Variants in CYFIP2 observed in about 807,000 individuals in gnomAD.
The protein encoded by CYFIP2 is cytoplasmic FMR1 interacting protein 2, also known as cytoplasmic FMR1-interacting protein 2.
A neutral mutation model predicts 158.7 loss-of-function variants in CYFIP2; 29 were observed. That is an observed-to-expected ratio of 0.18 (90% CI 0.14 to 0.25). The LOEUF is 0.25. CYFIP2 is among the 10% of genes least tolerant of loss of function. The pLI is 1.00. For synonymous variants in CYFIP2, 585 were observed against 617.6 expected, an observed-to-expected ratio of 0.95 and a Z score of 0.78; for missense variants, 852 against 1,639.5, an observed-to-expected ratio of 0.52 and a Z score of 8.29.
chr5:157,388,548 T>TAC (rs749876818), intron 28 of CYFIP2, among the ~76,000 whole-genome samples: 5 of 152,238 alleles, frequency 3.3e-5, no homozygotes, highest in Non-Finnish European at 7.3e-5. Context: ...AAATATGCTT[T>TAC]ACACACACAC....
At chr5:157,372,290 T>C (rs1228023527) in intron 26 of CYFIP2, among the ~76,000 whole-genome samples, 1 of 152,230 alleles carries the variant, frequency 6.6e-6, no homozygotes, top group African/African-American at 2.4e-5. Flanking sequence ...AGGAGTTGCA[T>C]GCTTAGGTAT....
chr5:157,387,211 G>A (rs890635471), intron 28 of CYFIP2, among the ~76,000 whole-genome samples: 4 of 152,126 alleles, frequency 2.6e-5, no homozygotes, highest in African/African-American at 7.2e-5. Flanking sequence ...GGGTAATGAG[G>A]TTTATGAAAT....
chr5:157,324,072 G>C lies in CYFIP2; in HGVS notation c.1823G>C (p.Ser608Thr). ...TTCTTCACACATCTGCTCAACATCA[G>C]TGGTGAGCTGCATCCCATCCCTGCT... ...SFFFTHLLNI[S>T]EALQQCCDLS... Residue 608 changes from serine (S) to threonine (T), a missense_variant and splice_region_variant, in exon 16 of 31, where the codon AGT becomes ACT. Coordinates refer to ENST00000620254, the MANE Select transcript of CYFIP2 (RefSeq NM_001037333.3). The C allele has an allele frequency of 1.2e-6, 2 of 1,610,586 alleles. No individual in the cohort carries two copies. Among genetic ancestry groups the C allele is most frequent in the Non-Finnish European group, 1.7e-6 (2 of 1,178,118 alleles).
intron 15 of CYFIP2, among the ~76,000 whole-genome samples, chr5:157,321,329 G>A (rs1453213630): frequency 1.3e-5 from 2 of 152,188 alleles, no homozygotes; most frequent in African/African-American, 4.8e-5. Flanking sequence ...ATGAGATTGT[G>A]TTACTAACAA....
chr5:157,340,293 T>C (rs1216290819), intron 22 of CYFIP2, among the ~76,000 whole-genome samples: 3 of 152,220 alleles, frequency 2.0e-5, no homozygotes, highest in African/African-American at 7.2e-5. Flanking sequence ...AAGGCCAGTA[T>C]TGAATGAGTG....
intron 26 of CYFIP2, chr5:157,365,459 C>T (rs1209317837): frequency 6.6e-6 from 1 of 152,070 alleles, no homozygotes; most frequent in Non-Finnish European, 1.5e-5. Context: ...AAATATTTCT[C>T]AAAATTCAGG....
intron 26 of CYFIP2, among the ~76,000 whole-genome samples, chr5:157,381,529 CAAA>C (rs1281249714): frequency 1.9e-5 from 2 of 102,806 alleles, no homozygotes; most frequent in Admixed American, 1.1e-4. Context: ...CTCCGTTTCA[CAAA>C]AAAAAAAAAA....
chr5:157,381,009 G>A (rs1177795175), intron 26 of CYFIP2, among the ~76,000 whole-genome samples: 3 of 152,322 alleles, frequency 2.0e-5, no homozygotes, highest in Non-Finnish European at 4.4e-5. Context: ...GAGGTCAGGA[G>A]TTTGAGACCA....
In CYFIP2 at chr5:157,383,326, G is replaced by A. The variant is rs746201715; in HGVS notation, c.3174G>A (p.Leu1058=). The stretch of plus-strand genomic sequence containing the variant: ...AAGCCAAGTATGCCCCGCTCCACCT[G>A]GTCCCTCTGATCGAGCGGCTGGGGA... ...RLEAKYAPLH[L]VPLIERLGTP... is the part of the protein sequence containing the mutation. Residue 1058 remains leucine (L), a synonymous_variant, in exon 28 of 31, where the codon CTG becomes CTA. Transcript: ENST00000620254. 1 of 1,613,856 alleles carries A rather than the reference G, an allele frequency of 6.2e-7. No homozygotes were observed. Among genetic ancestry groups the A allele is most frequent in the Non-Finnish European group, 8.5e-7 (1 of 1,179,864 alleles).
At chr5:157,316,621 C>G (rs1419335158) in intron 13 of CYFIP2, among the ~76,000 whole-genome samples, 1 of 152,182 alleles carries the variant, frequency 6.6e-6, no homozygotes, top group African/African-American at 2.4e-5. Flanking sequence ...TTGACACCTA[C>G]AAGAGACGAA....
chr5:157,390,473 C>CAACA, intron 29 of CYFIP2, 48 bp from the exon 30 acceptor site: 1 of 1,456,836 alleles, frequency 6.9e-7, no homozygotes, highest in Non-Finnish European at 9.3e-7. Flanking sequence ...CCTCCCTGCC[C>CAACA]TCCTCCCCCG....
At chr5:157,372,476 CAT>C (rs1765084567) in intron 26 of CYFIP2, among the ~76,000 whole-genome samples, 1 of 152,044 alleles carries the variant, frequency 6.6e-6, no homozygotes, top group South Asian at 2.1e-4. Context: ...AAGCGGGGGA[CAT>C]AAAACTTCAA....
At chr5:157,365,733 G>A (rs1212090068) in intron 26 of CYFIP2, among the ~76,000 whole-genome samples, 1 of 149,898 alleles carries the variant, frequency 6.7e-6, no homozygotes, top group African/African-American at 2.5e-5. Flanking sequence ...AGTGTTGCTT[G>A]TCCTTGAACT....
Position 157,393,228 on chromosome 5 carries a change from A to C in CYFIP2, c.*228A>C. On this transcript the variant is annotated 3_prime_UTR_variant, in exon 31 of 31. Coordinates refer to ENST00000620254, the MANE Select transcript of CYFIP2 (RefSeq NM_001037333.3). The stretch of plus-strand genomic sequence containing the variant: ...AAATGAAAAAAAAAAAAAAAAAGTA[A>C]ACAGGGCAGTGTGTGCTTTTTCTTT... 2.3e-6 allele frequency: 1 copy of C among 428,992 alleles called. No homozygotes were observed. The highest frequency in any genetic ancestry group is 4.1e-6 in the Non-Finnish European group (1 of 243,198). The allele number at this position is 428,992 out of a possible 1,614,324, so 26.6% of individuals were successfully genotyped here.
chr5:157,375,519 C>G (rs1199581284), intron 26 of CYFIP2, among the ~76,000 whole-genome samples: 1 of 152,144 alleles, frequency 6.6e-6, no homozygotes, highest in Non-Finnish European at 1.5e-5. Context: ...TACTGGATAG[C>G]TATGAGACTC....
chr5:157,321,249 G>A (rs1323122415), intron 15 of CYFIP2, among the ~76,000 whole-genome samples: 1 of 152,226 alleles, frequency 6.6e-6, no homozygotes, highest in Non-Finnish European at 1.5e-5. Flanking sequence ...CTGACTTGCT[G>A]TGTGATCTTG....
chr5:157,349,484 T>G (rs1353812824), intron 23 of CYFIP2, among the ~76,000 whole-genome samples: 1 of 152,248 alleles, frequency 6.6e-6, no homozygotes, highest in Admixed American at 6.5e-5. Context: ...TATTCCATGA[T>G]GTATACATGC....
chr5:157,356,557 T>C (rs1340994037), intron 23 of CYFIP2, among the ~76,000 whole-genome samples: 1 of 152,112 alleles, frequency 6.6e-6, no homozygotes, highest in Non-Finnish European at 1.5e-5. Flanking sequence ...AGCTTTTCCA[T>C]CACCCTAGGA....
chr5:157,302,750 C>A lies in CYFIP2; in HGVS notation c.570-44C>A, dbSNP rs189552706. On this transcript the variant is annotated intron_variant, in intron 6 of 30. Coordinates refer to ENST00000620254, the MANE Select transcript of CYFIP2 (RefSeq NM_001037333.3). ...CCGTGAGGCATGGTTTAGGCCGTTG[C>A]ACTTGGACAGTCCTCTCTGCAGCAC... 1.5e-4 allele frequency: 224 copies of A among 1,509,508 alleles called. No individual in the cohort carries two copies. The Middle Eastern group carries it at 2.1e-3, about 14-fold the overall frequency. The allele number at this position is 1,509,508 out of a possible 1,614,324, so 93.5% of individuals were successfully genotyped here. A position where few individuals can be genotyped will look rare whatever the true frequency, so the allele number is the denominator to read the frequency against.
Sources: gnomAD v4.1 joint callset for allele counts (sites outside exome capture counted in the v4.1 genomes callset) on GRCh38, gnomAD v4.1.1 for gene constraint, MANE v1.5 for transcripts, NCBI Gene and HGNC (gene_info 2026-07-23, HGNC 2026-07-21) for gene names.